Variants in DNAH6 observed in about 807,000 individuals in gnomAD.
DNAH6 encodes axonemal beta dynein heavy chain 6.
DNAH6 carries 340 observed loss-of-function variants against 491.4 expected under a neutral mutation model. The observed-to-expected ratio is 0.69, with a 90% CI of 0.63 to 0.76. The LOEUF is 0.76. DNAH6 is among the 30% of genes least tolerant of loss of function. DNAH6 has a pLI of 0.00. For missense variants in DNAH6, 4,443 were observed against 4,972.2 expected (o/e 0.89, Z 3.20); for synonymous variants, 1,603 against 1,686.1 (o/e 0.95, Z 1.21).
chr2:84,553,628 ATTTTTT>A (rs748931607), intron 10 of DNAH6, among the ~76,000 whole-genome samples: 5 of 90,998 alleles, frequency 5.5e-5, no homozygotes, highest in Middle Eastern at 9.3e-3. Flanking sequence ...AGGACTGGCT[ATTTTTT>A]TTTTTTTTTT....
At chr2:84,639,466 T>C (rs945679640) in intron 31 of DNAH6, among the ~76,000 whole-genome samples, 1 of 148,904 alleles carries the variant, frequency 6.7e-6, no homozygotes. Flanking sequence ...TCACCCAGGC[T>C]GGAGTGCAAT....
the DNAH6 span, among the ~76,000 whole-genome samples, chr2:84,488,537 A>G: frequency 6.6e-6 from 1 of 152,106 alleles, no homozygotes; most frequent in Non-Finnish European, 1.5e-5. Flanking sequence ...GGCCACCCAC[A>G]TTCCTTGGCT....
intron 20 of DNAH6, among the ~76,000 whole-genome samples, chr2:84,606,398 A>C (rs1685770267): frequency 6.6e-6 from 1 of 152,198 alleles, no homozygotes; most frequent in African/African-American, 2.4e-5. Flanking sequence ...GAAATGGACC[A>C]TTAAATCTTT....
At chr2:84,808,298 C>G in intron 71 of DNAH6, 117 bp from the exon 72 acceptor site, 1 of 1,189,866 alleles carries the variant, frequency 8.4e-7, no homozygotes, top group South Asian at 1.8e-5. Flanking sequence ...ATGTATCTGG[C>G]TTAAACAATG....
chr2:84,466,776 CA>C, the DNAH6 span, among the ~76,000 whole-genome samples: 1 of 152,130 alleles, frequency 6.6e-6, no homozygotes, highest in Non-Finnish European at 1.5e-5. Flanking sequence ...AGGATTAAAA[CA>C]AGGTAACAAT....
At chr2:84,669,865 AT>A (rs1692548461) in intron 38 of DNAH6, among the ~76,000 whole-genome samples, 1 of 152,198 alleles carries the variant, frequency 6.6e-6, no homozygotes, top group Admixed American at 6.5e-5. Flanking sequence ...AGATCAGCTC[AT>A]CCCCTCTGGC....
intron 12 of DNAH6, 42 bp downstream of exon 12, chr2:84,573,629 T>C (rs748184121): frequency 1.3e-6 from 2 of 1,486,696 alleles, no homozygotes; most frequent in Non-Finnish European, 1.8e-6. Flanking sequence ...TTTATAGGGA[T>C]ACTGAGATTT....
chr2:84,622,885 T>C (rs1687527090), intron 26 of DNAH6, among the ~76,000 whole-genome samples: 1 of 152,188 alleles, frequency 6.6e-6, no homozygotes, highest in African/African-American at 2.4e-5. Flanking sequence ...AGTTATGAGG[T>C]GACATCTCAT....
intron 37 of DNAH6, among the ~76,000 whole-genome samples, chr2:84,666,461 G>C (rs1272078663): frequency 6.6e-6 from 1 of 152,076 alleles, no homozygotes; most frequent in African/African-American, 2.4e-5. Context: ...ACCAATAAGA[G>C]ACAAACAGAG....
At chr2:84,495,338 T>G in the DNAH6 span, among the ~76,000 whole-genome samples, 1 of 152,162 alleles carries the variant, frequency 6.6e-6, no homozygotes, top group Admixed American at 6.5e-5. Context: ...AATTTTTGTA[T>G]TTTTAGTAGA....
At chr2:84,648,581 C>T (rs1690117757) in intron 33 of DNAH6, among the ~76,000 whole-genome samples, 1 of 152,078 alleles carries the variant, frequency 6.6e-6, no homozygotes, top group Non-Finnish European at 1.5e-5. Flanking sequence ...GGTTTTAGAC[C>T]TCAGTGGAGG....
chr2:84,725,710 G>A (rs1698563352), intron 60 of DNAH6, among the ~76,000 whole-genome samples: 1 of 152,190 alleles, frequency 6.6e-6, no homozygotes, highest in African/African-American at 2.4e-5. Context: ...CAGATTAGAA[G>A]GGAAACCAGA....
intron 11 of DNAH6, among the ~76,000 whole-genome samples, chr2:84,571,788 G>A (rs1312867687): frequency 2.6e-5 from 4 of 151,534 alleles, no homozygotes; most frequent in African/African-American, 4.8e-5. Flanking sequence ...GCGTGGTGGC[G>A]GGCGCCTGTA....
intron 40 of DNAH6, among the ~76,000 whole-genome samples, chr2:84,675,994 G>T (rs1249247515): frequency 6.6e-6 from 1 of 152,188 alleles, no homozygotes; most frequent in African/African-American, 2.4e-5. Context: ...GCTGCTTTAA[G>T]ACGGAATAGG....
At chr2:84,604,690 T>G (rs1381365265) in intron 19 of DNAH6, 139 bp downstream of exon 19, 4 of 665,380 alleles carry the variant, frequency 6.0e-6, no homozygotes, top group Non-Finnish European at 1.0e-5. Context: ...TGTTGTTTCC[T>G]TACAACAGAT....
the DNAH6 span, among the ~76,000 whole-genome samples, chr2:84,477,011 C>T: frequency 7.9e-5 from 12 of 152,288 alleles, no homozygotes; most frequent in East Asian, 1.4e-3. Flanking sequence ...GGGTCTTTGT[C>T]GCCCCACGTT....
At chr2:84,592,340 A>G (rs1203877323) in intron 16 of DNAH6, among the ~76,000 whole-genome samples, 1 of 152,216 alleles carries the variant, frequency 6.6e-6, no homozygotes, top group Non-Finnish European at 1.5e-5. Flanking sequence ...AGGCATGTGA[A>G]AAGACACCCA....
At chr2:84,609,670 T>TATA (rs35531519) in intron 21 of DNAH6, among the ~76,000 whole-genome samples, 56,845 of 150,356 alleles carry the variant, frequency 0.38, 11,947 homozygotes, top group Non-Finnish European at 0.49. Flanking sequence ...CCATAACAGA[T>TATA]ATAATAATAA....
At chr2:84,609,886 A>G (rs920549216) in intron 21 of DNAH6, among the ~76,000 whole-genome samples, 25 of 152,280 alleles carry the variant, frequency 1.6e-4, no homozygotes, top group Middle Eastern at 3.4e-3. Flanking sequence ...GAAGCACAAT[A>G]AAACAAAGCA....
Sources: allele counts gnomAD v4.1 joint callset (sites outside exome capture counted in the v4.1 genomes callset), GRCh38; gene constraint gnomAD v4.1.1; transcripts MANE v1.5; gene names NCBI Gene and HGNC (gene_info 2026-07-23, HGNC 2026-07-21).